The following FGF20 variants were observed in gnomAD, a reference collection of about 807,000 sequenced individuals.
FGF20 encodes fibroblast growth factor 20.
In FGF20, 8 loss-of-function variants were observed where a neutral mutation model predicts 16.7. That is an observed-to-expected ratio of 0.48 (90% CI 0.28 to 0.87). The LOEUF (loss-of-function observed/expected upper bound fraction) is 0.87. Among genes scored for constraint, FGF20 ranks in the 40% least tolerant of loss-of-function variants. The pLI, the probability that FGF20 is intolerant of heterozygous loss-of-function variation, is 0.10. For synonymous variants in FGF20, 161 were observed against 118.6 expected (o/e 1.36, Z -2.32); for missense variants, 397 against 281.4 (o/e 1.41, Z -2.94).
intron 1 of FGF20, among the ~76,000 whole-genome samples, chr8:17,001,249 C>A (rs1246695662): frequency 6.6e-6 from 1 of 152,134 alleles, no homozygotes; most frequent in Non-Finnish European, 1.5e-5. Flanking sequence ...TAATCAGCTG[C>A]ATAACTGTGG....
Position 17,002,018 on chromosome 8 carries a change from G to C in FGF20, c.15C>G (p.Ala5=), listed in dbSNP as rs1209319852. 6.5e-7 allele frequency: 1 copy of C among 1,537,606 alleles called. No individual in the cohort carries two copies. Among genetic ancestry groups the C allele is most frequent in the Non-Finnish European group, 8.8e-7 (1 of 1,142,738 alleles). MAPL[A]EVGGFLGGLE... is the part of the protein sequence containing the mutation. The stretch of plus-strand genomic sequence containing the variant: ...GGCCGCCCAGAAAGCCCCCGACTTC[G>C]GCTAAGGGAGCCATGGAGGGGGAGA... The change falls in exon 1 of 3, where the codon GCC becomes GCG. Residue 5 remains alanine (A), a synonymous_variant. Coordinates refer to ENST00000180166, the MANE Select transcript of FGF20 (RefSeq NM_019851.3).
rs571418438 is a variant in FGF20, at chr8:17,001,771, T to C, written c.262A>G (p.Thr88Ala). 1.3e-6 allele frequency: 2 copies of C among 1,576,268 alleles called. No homozygotes were observed. Among genetic ancestry groups the C allele is most frequent in the African/African-American group, 1.4e-5 (1 of 71,608 alleles). Residue 88 changes from threonine to alanine, a missense_variant, in exon 1 of 3, where the codon ACC becomes GCC. Transcript: ENST00000180166. Reference sequence around the variant, plus strand: ...CCGAAGAGGCTGTGGTCCTGCCGGGTGCCCTGCACGCTGCCGTCGGGCAGG... The same window carrying C: ...CCGAAGAGGCTGTGGTCCTGCCGGGCGCCCTGCACGCTGCCGTCGGGCAGG... ...QILPDGSVQG[T>A]RQDHSLFGIL...
chr8:17,000,457 G>T (rs1461757200), intron 1 of FGF20, among the ~76,000 whole-genome samples: 1 of 135,682 alleles, frequency 7.4e-6, no homozygotes, highest in African/African-American at 2.5e-5. Context: ...AGAACAAGGG[G>T]GTAAGGACAC....
At position 17,001,218 on chromosome 8, in the gene FGF20, C is replaced by A. The variant is rs138143470; in HGVS notation, c.286+529G>T. Among the ~76,000 whole-genome samples, 200 of 152,248 alleles carry A rather than the reference C, an allele frequency of 1.3e-3. 2 individuals are homozygous for A. The highest frequency in any genetic ancestry group is 4.5e-3 in the African/African-American group (186 of 41,546). On this transcript the variant is annotated intron_variant, in intron 1 of 2. Transcript: ENST00000180166. ...GACACGTAAATGCTCGCAATCCATG[C>A]CCAGAGCAGCCCCGGGTGCATAATC... is the stretch of plus-strand genomic sequence containing the variant.
Position 17,001,887 on chromosome 8 carries a change from C to T in FGF20, c.146G>A (p.Arg49His), listed in dbSNP as rs768155803. The T allele has an allele frequency of 1.4e-6, 2 of 1,435,742 alleles. No individual in the cohort carries two copies. The highest frequency in any genetic ancestry group is 1.8e-6 in the Non-Finnish European group (2 of 1,099,786). 88.9% of individuals were successfully genotyped at this position (1,435,742 alleles called of 1,614,324 possible). A position where few individuals can be genotyped will look rare whatever the true frequency, so the allele number is the denominator to read the frequency against. The change falls in exon 1 of 3, where the codon CGC (arginine) becomes CAC (histidine). Residue 49 changes from arginine (R) to histidine (H), a missense_variant. Arg to His is a conservative substitution (Grantham distance 29). Coordinates refer to ENST00000180166, the MANE Select transcript of FGF20 (RefSeq NM_019851.3). ...ERRSAAERSA[R>H]GGPGAAQLAH... ...CAGCTGCGCAGCCCCCGGCCCGCCG[C>T]GCGCGCTCCGCTCCGCCGCGCTCCT...
At chr8:16,996,135 C>A (rs972939260) in intron 1 of FGF20, among the ~76,000 whole-genome samples, 2 of 152,076 alleles carry the variant, frequency 1.3e-5, no homozygotes, top group African/African-American at 4.8e-5. Flanking sequence ...GAGATGGGGG[C>A]CTGTTAACAG....
At chr8:16,994,183 C>T (rs1361371716) in intron 2 of FGF20, among the ~76,000 whole-genome samples, 1 of 152,158 alleles carries the variant, frequency 6.6e-6, no homozygotes, top group African/African-American at 2.4e-5. Flanking sequence ...TGTAGTTTAT[C>T]TTTTTCCATC....
chr8:16,998,406 T>A (rs532678015), intron 1 of FGF20, among the ~76,000 whole-genome samples: 1 of 152,288 alleles, frequency 6.6e-6, no homozygotes, highest in South Asian at 2.1e-4. Context: ...CTTGAGGAAA[T>A]AGTATACCAC....
Position 16,992,835 on chromosome 8 carries a change from A to G in FGF20, c.*237T>C. ...AGATTTTTGGCTTCAGTCTACTGGTAAGGACTAATCCAATGTATCTAAGGG... is the reference window on the plus strand; with the variant it reads ...AGATTTTTGGCTTCAGTCTACTGGTGAGGACTAATCCAATGTATCTAAGGG... On this transcript the variant is annotated 3_prime_UTR_variant, in exon 3 of 3. Transcript: ENST00000180166. The G allele has an allele frequency of 2.3e-6, 1 of 435,572 alleles. No individual in the cohort carries two copies. Among genetic ancestry groups the G allele is most frequent in the Non-Finnish European group, 4.0e-6 (1 of 249,446 alleles). The allele number at this position is 435,572 out of a possible 1,614,324, so 27.0% of individuals were successfully genotyped here.
In FGF20 at chr8:16,993,127, G is replaced by C; in HGVS notation, c.581C>G (p.Pro194Arg). ...TTCTGGAACTCTTTCTGGATCCACT[G>C]GTCTAGGTAAGAAATGTGTAAATTT... ...HQKFTHFLPR[P>R]VDPERVPELY... is the part of the protein sequence containing the mutation. Residue 194 changes from proline to arginine, a missense_variant, in exon 3 of 3, where the codon CCA becomes CGA. By Grantham distance (103) the Pro-to-Arg change is moderately radical (BLOSUM62 -2). Coordinates refer to ENST00000180166, the MANE Select transcript of FGF20 (RefSeq NM_019851.3). 1 of 1,614,008 alleles carries C rather than the reference G, an allele frequency of 6.2e-7. No individual in the cohort carries two copies. Among genetic ancestry groups the C allele is most frequent in the Non-Finnish European group, 8.5e-7 (1 of 1,179,980 alleles).
At chr8:16,998,091 T>C (rs2150435657) in intron 1 of FGF20, among the ~76,000 whole-genome samples, 1 of 152,310 alleles carries the variant, frequency 6.6e-6, no homozygotes, top group East Asian at 1.9e-4. Flanking sequence ...AAGCTAATTA[T>C]ATAACAAATC....
chr8:16,994,985 CAAAA>C (rs17515191), intron 2 of FGF20, among the ~76,000 whole-genome samples: 1 of 150,808 alleles, frequency 6.6e-6, no homozygotes, highest in Admixed American at 6.6e-5. Flanking sequence ...GTTCTAAAAA[CAAAA>C]AAAAACTTAA....
chr8:16,996,441 T>C (rs1810049044), intron 1 of FGF20, among the ~76,000 whole-genome samples: 2 of 152,176 alleles, frequency 1.3e-5, no homozygotes, highest in South Asian at 4.1e-4. Context: ...ATATGCAAAA[T>C]GGATGAAATG....
At chr8:16,995,306 A>G (rs1467354898) in intron 2 of FGF20, among the ~76,000 whole-genome samples, 3 of 152,240 alleles carry the variant, frequency 2.0e-5, no homozygotes, top group Non-Finnish European at 4.4e-5. Flanking sequence ...TTTACCTTAA[A>G]TAAACATAAA....
chr8:16,996,988 A>G (rs17515090), intron 1 of FGF20, among the ~76,000 whole-genome samples: 176 of 152,364 alleles, frequency 1.2e-3, no homozygotes, highest in Admixed American at 3.8e-3. Flanking sequence ...ATTAAATTGT[A>G]TAGTTCAGAG....
chr8:17,001,840 G>C lies in FGF20; in HGVS notation c.193C>G (p.Arg65Gly). 6.6e-7 allele frequency: 1 copy of C among 1,518,812 alleles called. No individual in the cohort carries two copies. The highest frequency in any genetic ancestry group is 8.8e-7 in the Non-Finnish European group (1 of 1,136,764). 94.1% of individuals were successfully genotyped at this position (1,518,812 alleles called of 1,614,324 possible). The change falls in exon 1 of 3, where the codon CGC becomes GGC. Residue 65 changes from arginine (R) to glycine (G), a missense_variant. Transcript: ENST00000180166. ...GTGCGGCAATAGAGCTGCCGGCGGC[G>C]CAGGATGCCGTGCAGGTGCGCCAGC... Reference protein sequence around the residue: ...AQLAHLHGILRRRQLYCRTGF... With the variant: ...AQLAHLHGILGRRQLYCRTGF...
chr8:16,998,348 T>C (rs539228431), intron 1 of FGF20, among the ~76,000 whole-genome samples: 13 of 152,348 alleles, frequency 8.5e-5, no homozygotes, highest in African/African-American at 3.1e-4. Flanking sequence ...GTGTGTGTGT[T>C]CCTCTTAAAG....
At chr8:17,000,657 T>C (rs937273920) in intron 1 of FGF20, among the ~76,000 whole-genome samples, 10 of 152,218 alleles carry the variant, frequency 6.6e-5, no homozygotes, top group African/African-American at 2.4e-4. Flanking sequence ...ACTTCAGCTA[T>C]GGGGAAAGAT....
intron 1 of FGF20, among the ~76,000 whole-genome samples, chr8:16,995,977 C>A (rs559475473): frequency 6.6e-6 from 1 of 152,256 alleles, no homozygotes; most frequent in South Asian, 2.1e-4. Context: ...CATGGTGAGA[C>A]AATCAAGTAT....
Sources: allele counts gnomAD v4.1 joint callset (sites outside exome capture counted in the v4.1 genomes callset), GRCh38; gene constraint gnomAD v4.1.1; transcripts MANE v1.5; gene names NCBI Gene and HGNC (gene_info 2026-07-23, HGNC 2026-07-21).